The following EPHA5 variants were observed in gnomAD, a reference collection of about 807,000 sequenced individuals.
EPHA5 encodes the protein ephrin type-A receptor 5.
Under a neutral mutation model 105.0 loss-of-function variants are expected in EPHA5, and 60 were observed. The ratio of observed to expected loss-of-function variants is 0.57; its 90% confidence interval spans 0.46 to 0.71. The LOEUF (loss-of-function observed/expected upper bound fraction) is 0.71, where lower values mean the gene tolerates loss of function less well. Ranked by LOEUF, EPHA5 falls within the 30% of genes least tolerant of loss-of-function variation. The pLI, the probability that EPHA5 is intolerant of heterozygous loss-of-function variation, is 0.00. For missense variants in EPHA5, 1,218 were observed against 1,274.7 expected (o/e 0.96, Z 0.68); for synonymous variants, 513 against 449.1 (o/e 1.14, Z -1.80).
chr4:65,380,131 C>T (rs1719412595), intron 8 of EPHA5, among the ~76,000 whole-genome samples: 1 of 151,730 alleles, frequency 6.6e-6, no homozygotes, highest in Non-Finnish European at 1.5e-5. Flanking sequence ...TATCTGTGAG[C>T]TCTGATTCAA....
chr4:65,556,545 T>C (rs2149349502), intron 3 of EPHA5, among the ~76,000 whole-genome samples: 1 of 152,278 alleles, frequency 6.6e-6, no homozygotes, highest in Non-Finnish European at 1.5e-5. Flanking sequence ...GTATTTGTGT[T>C]TAGTAAAACT....
chr4:65,573,741 C>A, intron 3 of EPHA5: 1 of 1,605,568 alleles, frequency 6.2e-7, no homozygotes, highest in Non-Finnish European at 8.5e-7. Context: ...TGTTACAAAA[C>A]CAGTTGGTGG....
intron 11 of EPHA5, among the ~76,000 whole-genome samples, chr4:65,356,371 A>G (rs1469683283): frequency 6.6e-6 from 1 of 151,460 alleles, no homozygotes; most frequent in Non-Finnish European, 1.5e-5. Context: ...TCTTTCTTTG[A>G]AAATCTGTAT....
At chr4:65,596,501 A>G (rs370164135) in intron 3 of EPHA5, among the ~76,000 whole-genome samples, 380 of 152,282 alleles carry the variant, frequency 2.5e-3, no homozygotes, top group African/African-American at 8.8e-3. Context: ...AACAAACAAA[A>G]AACAAAAAAA....
intron 1 of EPHA5, among the ~76,000 whole-genome samples, chr4:65,650,911 CA>C (rs1748553149): frequency 6.6e-6 from 1 of 152,116 alleles, no homozygotes; most frequent in African/African-American, 2.4e-5. Context: ...TATTTTGACA[CA>C]AGTCCTTCCA....
At chr4:65,349,885 C>T (rs1257497088) in intron 13 of EPHA5, among the ~76,000 whole-genome samples, 5 of 152,020 alleles carry the variant, frequency 3.3e-5, no homozygotes, top group Admixed American at 1.3e-4. Context: ...CATAATTTTT[C>T]TCCTGATCCT....
chr4:65,399,900 A>T (rs1721644577), intron 8 of EPHA5, among the ~76,000 whole-genome samples: 5 of 152,184 alleles, frequency 3.3e-5, no homozygotes, highest in Admixed American at 3.3e-4. Context: ...AAACTAAAAG[A>T]TGTTTTCCTT....
Position 65,321,936 on chromosome 4 carries a change from T to A in EPHA5, c.*2178A>T, listed in dbSNP as rs1719668957. Reference sequence around the variant, plus strand: ...TGTTACTTTATCACTTAGATTGGAATATTTCTATAAAATTCAATAAAGTGC... The same window carrying A: ...TGTTACTTTATCACTTAGATTGGAAAATTTCTATAAAATTCAATAAAGTGC... On this transcript the variant is annotated 3_prime_UTR_variant, in exon 17 of 17. Transcript: ENST00000613740. The A allele has an allele frequency of 8.8e-6, 2 of 225,994 alleles. No homozygotes were observed. The highest frequency in any genetic ancestry group is 3.7e-4 in the South Asian group (2 of 5,468). 14.0% of individuals were successfully genotyped at this position (225,994 alleles called of 1,614,324 possible). A position where few individuals can be genotyped will look rare whatever the true frequency, so the allele number is the denominator to read the frequency against.
intron 2 of EPHA5, among the ~76,000 whole-genome samples, chr4:65,612,841 G>T (rs1402040681): frequency 6.6e-6 from 1 of 152,040 alleles, no homozygotes; most frequent in Non-Finnish European, 1.5e-5. Flanking sequence ...TCAGTCTGAT[G>T]ATTATTTATT....
At chr4:65,502,105 G>A (rs989596947) in intron 3 of EPHA5, among the ~76,000 whole-genome samples, 2 of 151,630 alleles carry the variant, frequency 1.3e-5, no homozygotes, top group African/African-American at 2.4e-5. Flanking sequence ...ATTAATTCAA[G>A]ATGAACTAAA....
intron 14 of EPHA5, among the ~76,000 whole-genome samples, chr4:65,339,830 A>G (rs917055048): frequency 6.6e-6 from 1 of 152,040 alleles, no homozygotes; most frequent in Non-Finnish European, 1.5e-5. Flanking sequence ...TAGACACACC[A>G]ATTAATCTAA....
chr4:65,616,131 G>T (rs1215933803), intron 2 of EPHA5, among the ~76,000 whole-genome samples: 2 of 151,828 alleles, frequency 1.3e-5, no homozygotes, highest in Non-Finnish European at 2.9e-5. Context: ...ATTGATAAAA[G>T]AAGGAACTGA....
chr4:65,536,349 T>G (rs1736283989), intron 3 of EPHA5, among the ~76,000 whole-genome samples: 1 of 151,938 alleles, frequency 6.6e-6, no homozygotes, highest in African/African-American at 2.4e-5. Context: ...TTTAAACATT[T>G]TTAAAAATCA....
intron 3 of EPHA5, among the ~76,000 whole-genome samples, chr4:65,509,968 T>A (rs1440887168): frequency 6.6e-6 from 1 of 151,924 alleles, no homozygotes. Context: ...TTCTTACAAA[T>A]GTTCTAACCA....
rs558615069 is a variant in EPHA5, at chr4:65,356,610, T to C, written c.2174-3507A>G. On this transcript the variant is annotated intron_variant, in intron 11 of 16. Coordinates refer to ENST00000613740, the MANE Select transcript of EPHA5 (RefSeq NM_001281766.3). ...GGTTGTGATGTGAAAAGCAAAAACA[T>C]TATTTGAGAAAGATGATAAGGACCT... Among the ~76,000 whole-genome samples, 13 of 151,588 alleles carry C rather than the reference T, an allele frequency of 8.6e-5. 2 individuals carry two copies. Among genetic ancestry groups the C allele is most frequent in the African/African-American group, 3.1e-4 (13 of 41,442 alleles).
chr4:65,629,626 A>G (rs1375555479), intron 2 of EPHA5, among the ~76,000 whole-genome samples: 1 of 152,226 alleles, frequency 6.6e-6, no homozygotes, highest in Non-Finnish European at 1.5e-5. Flanking sequence ...AGTCAATTTT[A>G]TATTTATGGA....
chr4:65,382,529 C>T (rs113526670), intron 8 of EPHA5, among the ~76,000 whole-genome samples: 210 of 151,684 alleles, frequency 1.4e-3, no homozygotes, highest in African/African-American at 1.8e-3. Flanking sequence ...CTTTTTGCTG[C>T]GGTAGAAGAT....
At chr4:65,354,444 C>G (rs946864438) in intron 11 of EPHA5, among the ~76,000 whole-genome samples, 1 of 151,624 alleles carries the variant, frequency 6.6e-6, no homozygotes, top group Non-Finnish European at 1.5e-5. Context: ...TTAAGACACA[C>G]CCCTTTACTC....
intron 1 of EPHA5, among the ~76,000 whole-genome samples, chr4:65,650,370 AC>A (rs1430013644): frequency 5.7e-5 from 8 of 140,758 alleles, no homozygotes. Flanking sequence ...ACACAGTGAA[AC>A]CCGGTGTGTA....
Sources: gnomAD v4.1 joint callset for allele counts (sites outside exome capture counted in the v4.1 genomes callset) on GRCh38, gnomAD v4.1.1 for gene constraint, MANE v1.5 for transcripts, NCBI Gene and HGNC (gene_info 2026-07-23, HGNC 2026-07-21) for gene names.